IL17REL: variants seen among roughly 807,000 people sequenced by gnomAD.
IL17REL encodes interleukin 17 receptor E like.
Under a neutral mutation model 49.0 loss-of-function variants are expected in IL17REL, and 36 were observed. The observed-to-expected ratio is 0.73, with a 90% CI of 0.56 to 0.97. The LOEUF (loss-of-function observed/expected upper bound fraction) is 0.97. Among genes scored for constraint, IL17REL ranks in the 50% least tolerant of loss-of-function variants. The probability of loss-of-function intolerance (pLI) is 0.00; values close to 1 mark genes in which losing one functional copy is unlikely to be tolerated. For synonymous variants in IL17REL, 206 were observed against 192.4 expected, an observed-to-expected ratio of 1.07 and a Z score of -0.58; for missense variants, 470 against 453.9, an observed-to-expected ratio of 1.04 and a Z score of -0.32.
At chr22:50,000,967 G>C in intron 2 of IL17REL, 104 bp from the exon 4 acceptor site, 1 of 1,257,914 alleles carries the variant, frequency 7.9e-7, no homozygotes, top group Non-Finnish European at 1.1e-6. Context: ...TGTGAAGTGC[G>C]GTTAGCAGCC....
At chr22:50,011,427 G>T (rs931071873), upstream of IL17REL, among the ~76,000 whole-genome samples, 1 of 151,730 alleles carries the variant, frequency 6.6e-6, no homozygotes, top group Non-Finnish European at 1.5e-5. Context: ...TGCATACCCC[G>T]CAGCCGCCTC....
rs2061066607 is a variant in IL17REL at position 49,999,816 on chromosome 22, G to T, written c.474+12C>A. 2 of 1,495,240 alleles carry T rather than the reference G, an allele frequency of 1.3e-6. No homozygotes were observed. The highest frequency in any genetic ancestry group is 2.2e-5 in the Admixed American group (1 of 44,652). 92.6% of individuals were successfully genotyped at this position (1,495,240 alleles called of 1,614,324 possible). On this transcript the variant is annotated intron_variant, in intron 5 of 12. Coordinates refer to ENST00000341280, the Ensembl canonical transcript of IL17REL. ...CCTAAGGCTGACCGGGGCCCGGGGCGCGGGCGCTCACTCGCACAGGGGCGC... is the reference window on the plus strand; with the variant it reads ...CCTAAGGCTGACCGGGGCCCGGGGCTCGGGCGCTCACTCGCACAGGGGCGC...
At chr22:49,994,459 AC>A, downstream of IL17REL, 1 of 152,052 alleles carries the variant, frequency 6.6e-6, no homozygotes, top group South Asian at 2.1e-4. Flanking sequence ...GCTCCACGAC[AC>A]CCGCACTCCA....
At chr22:50,008,645 T>TGGCTCCTGC (rs1555949824) in exon 1 of IL17REL, 6 of 152,368 alleles carry the variant, frequency 3.9e-5, no homozygotes, top group Admixed American at 1.3e-4. Context: ...ACGGTTCCTG[T>TGGCTCCTGC]GGCTCCTGCA....
At chr22:50,000,860 C>T (rs768997569) in exon 3 of IL17REL, 5 of 1,555,216 alleles carry the variant, frequency 3.2e-6, no homozygotes, top group East Asian at 2.4e-5. Flanking sequence ...GCCCCGCAGG[C>T]GCTCTGGGTG....
In IL17REL at chr22:50,000,602, T is replaced by G; in HGVS notation, c.220-10A>C. On this transcript the variant is annotated splice_polypyrimidine_tract_variant and intron_variant, in intron 3 of 12. Coordinates refer to ENST00000341280, the Ensembl canonical transcript of IL17REL. ...CAAAGTGCACTTGGAGCTGAGCAGG[T>G]GCAGGTGTGAGCTGCGTGGACTCAG... The G allele has an allele frequency of 1.9e-6, 3 of 1,611,298 alleles. No homozygotes were observed. In the South Asian group the frequency reaches 3.3e-5, roughly 18 times the overall value.
In IL17REL at chr22:49,997,703, C is replaced by T. The variant is rs1394467999; in HGVS notation, c.859G>A (p.Glu287Lys). ...AACTTACTTGGGAAGCGACGCTGTT[C>T]GAAAGGGCACCGCACCCAGGACCCC... Residue 287 changes from glutamate (E) to lysine (K), a missense_variant, in exon 10 of 13, where the codon GAA (glutamate) becomes AAA (lysine). Physicochemically the swap from Glu to Lys is moderately conservative, Grantham distance 56. Transcript: ENST00000341280. 11 of 1,613,876 alleles carry T rather than the reference C, an allele frequency of 6.8e-6. No individual in the cohort carries two copies. Among genetic ancestry groups the T allele is most frequent in the Middle Eastern group, 1.6e-4 (1 of 6,062 alleles).
chr22:50,008,381 C>T (rs2061121149), intron 1 of IL17REL, among the ~76,000 whole-genome samples: 1 of 152,216 alleles, frequency 6.6e-6, no homozygotes, highest in South Asian at 2.1e-4. Flanking sequence ...CGCAACGAGG[C>T]ATTGTGCGTT....
At position 49,999,915 on chromosome 22, in the gene IL17REL, T is replaced by C. The variant is rs370319998; in HGVS notation, c.387A>G (p.Gln129=). ...CGGGGCTCCCGGAGGCCCTGGGCAC[T>C]TGCACCAGAATCGCCTTGCGCCTCC... Residue 129 remains glutamine (Q), a synonymous_variant, in exon 5 of 13, where the codon CAA becomes CAG. Transcript: ENST00000341280. 3.3e-4 allele frequency: 512 copies of C among 1,535,396 alleles called. 3 individuals are homozygous for C. In the African/African-American group the frequency reaches 5.7e-3, roughly 17 times the overall value.
rs1230212029 is a variant in IL17REL at position 49,997,710 on chromosome 22, GCA to G, written c.850_851del (p.Cys284ProfsTer130). The stretch of plus-strand genomic sequence containing the variant: ...TTGGGAAGCGACGCTGTTCGAAAGG[GCA>G]CCGCACCCAGGACCCCCAACTGGTA... On this transcript the variant is annotated frameshift_variant, in exon 10 of 13. Coordinates refer to ENST00000341280, the Ensembl canonical transcript of IL17REL. LOFTEE classifies it high-confidence loss of function. The G allele has an allele frequency of 6.2e-7, 1 of 1,613,922 alleles. No individual in the cohort carries two copies. The highest frequency in any genetic ancestry group is 1.1e-5 in the South Asian group (1 of 91,088).
intron 1 of IL17REL, among the ~76,000 whole-genome samples, chr22:50,002,553 G>A (rs2061085581): frequency 6.8e-6 from 1 of 147,426 alleles, no homozygotes; most frequent in South Asian, 2.1e-4. Context: ...GGAGCATAGT[G>A]GAGTGATCTC....
chr22:50,007,337 T>C (rs2146758995), intron 1 of IL17REL, among the ~76,000 whole-genome samples: 1 of 152,250 alleles, frequency 6.6e-6, no homozygotes, highest in East Asian at 1.9e-4. Flanking sequence ...ATAGGAAATC[T>C]ATTAGAAATA....
exon 13 of IL17REL, chr22:49,995,754 T>A (rs1601883555): frequency 6.6e-6 from 1 of 152,510 alleles, no homozygotes; most frequent in East Asian, 1.9e-4. Context: ...GCCTTCCATC[T>A]GCAGGGAGGC....
At chr22:49,992,727 C>T (rs966241974), downstream of IL17REL, among the ~76,000 whole-genome samples, 6 of 152,244 alleles carry the variant, frequency 3.9e-5, no homozygotes, top group Admixed American at 3.9e-4. Flanking sequence ...AAGCGATTCT[C>T]CTGCCTCAGC....
intron 2 of IL17REL, 45 bp downstream of exon 3, chr22:50,001,037 C>T: frequency 6.9e-7 from 1 of 1,454,438 alleles, no homozygotes; most frequent in Non-Finnish European, 9.4e-7. Context: ...GGGCCCACTG[C>T]TGGACCTGCG....
intron 1 of IL17REL, among the ~76,000 whole-genome samples, chr22:50,006,268 A>G (rs918517861): frequency 1.3e-5 from 2 of 152,106 alleles, no homozygotes; most frequent in African/African-American, 4.8e-5. Context: ...ACAACCCAGT[A>G]CAGATTCACA....
intron 1 of IL17REL, among the ~76,000 whole-genome samples, chr22:50,005,618 A>G (rs1344617406): frequency 5.3e-5 from 8 of 152,198 alleles, no homozygotes; most frequent in South Asian, 2.1e-4. Flanking sequence ...CCTGGCCAAC[A>G]TGGTGAAACC....
upstream of IL17REL, among the ~76,000 whole-genome samples, chr22:50,011,711 G>A (rs1035336992): frequency 7.9e-5 from 12 of 152,108 alleles, no homozygotes; most frequent in South Asian, 1.2e-3. Context: ...CTTGTTCCAC[G>A]AATGCCCTGT....
chr22:50,000,501 A>G, exon 4 of IL17REL: 1 of 1,613,470 alleles, frequency 6.2e-7, no homozygotes, highest in Non-Finnish European at 8.5e-7. Flanking sequence ...CCTCTGGTCC[A>G]GCTGGACCCC....
Sources: allele counts gnomAD v4.1 joint callset (sites outside exome capture counted in the v4.1 genomes callset), GRCh38; gene constraint gnomAD v4.1.1; transcripts MANE v1.5; gene names NCBI Gene and HGNC (gene_info 2026-07-23, HGNC 2026-07-21).